Variants in SMYD3 observed in about 807,000 individuals in gnomAD.
SMYD3 encodes SET and MYND domain containing 3.
A neutral mutation model predicts 57.7 loss-of-function variants in SMYD3; 36 were observed. The ratio of observed to expected loss-of-function variants is 0.62; its 90% CI spans 0.48 to 0.82. The LOEUF (loss-of-function observed/expected upper bound fraction) is 0.82. SMYD3 is among the 40% of genes least tolerant of loss of function. The pLI is 0.00. For missense variants in SMYD3, 515 were observed against 538.8 expected, an observed-to-expected ratio of 0.96 and a Z score of 0.44; for synonymous variants, 211 against 195.0, an observed-to-expected ratio of 1.08 and a Z score of -0.68.
intron 5 of SMYD3, among the ~76,000 whole-genome samples, chr1:246,196,596 T>G (rs1359015627): frequency 6.6e-6 from 1 of 152,242 alleles, no homozygotes; most frequent in African/African-American, 2.4e-5. Flanking sequence ...TTGTTCTTTT[T>G]AAATTTTATT....
At chr1:245,998,250 T>C (rs1055377932) in intron 5 of SMYD3, among the ~76,000 whole-genome samples, 2 of 152,174 alleles carry the variant, frequency 1.3e-5, no homozygotes, top group South Asian at 2.1e-4. Flanking sequence ...GGGGAGGGAA[T>C]GGAGATCTTT....
chr1:245,981,479 C>G (rs1199419960), intron 5 of SMYD3, among the ~76,000 whole-genome samples: 1 of 152,228 alleles, frequency 6.6e-6, no homozygotes, highest in African/African-American at 2.4e-5. Flanking sequence ...TATGTATATA[C>G]ATTTACATTA....
At chr1:245,957,815 T>G (rs2057891487) in intron 5 of SMYD3, among the ~76,000 whole-genome samples, 1 of 152,198 alleles carries the variant, frequency 6.6e-6, no homozygotes, top group Admixed American at 6.5e-5. Flanking sequence ...AAGTCATAAC[T>G]TACCTTCCTC....
intron 5 of SMYD3, among the ~76,000 whole-genome samples, chr1:246,232,046 C>A (rs547941496): frequency 6.6e-6 from 1 of 152,264 alleles, no homozygotes; most frequent in Admixed American, 6.5e-5. Flanking sequence ...CACTTTGATC[C>A]TTTCCGAGTC....
intron 5 of SMYD3, among the ~76,000 whole-genome samples, chr1:246,150,797 C>T (rs2061928693): frequency 6.6e-6 from 1 of 152,182 alleles, no homozygotes; most frequent in African/African-American, 2.4e-5. Flanking sequence ...ACAGTGACAT[C>T]CCAATGGCTT....
At chr1:245,751,325 G>A (rs1267329163) in intron 11 of SMYD3, among the ~76,000 whole-genome samples, 1 of 152,162 alleles carries the variant, frequency 6.6e-6, no homozygotes, top group South Asian at 2.1e-4. Flanking sequence ...GTGGTGAGAC[G>A]CCTGCATTTT....
In SMYD3 at chr1:246,057,173, T is replaced by C. The variant is rs2060166488; in HGVS notation, c.532-127236A>G. Among the ~76,000 whole-genome samples, 3 of 152,184 alleles carry C rather than the reference T, an allele frequency of 2.0e-5. No homozygotes were observed. In the South Asian group the frequency reaches 6.2e-4, roughly 32 times the overall value. On this transcript the variant is annotated intron_variant, in intron 5 of 11. Coordinates refer to ENST00000490107, the MANE Select transcript of SMYD3 (RefSeq NM_001167740.2). Reference sequence around the variant, plus strand: ...TTGCATCTACCTCAAAGGGCTTTTGTGATGATTAAATAATGGATGTGAAGT... The same window carrying C: ...TTGCATCTACCTCAAAGGGCTTTTGCGATGATTAAATAATGGATGTGAAGT...
chr1:245,991,178 AAC>A (rs1311302989), intron 5 of SMYD3, among the ~76,000 whole-genome samples: 3 of 152,244 alleles, frequency 2.0e-5, no homozygotes, highest in Non-Finnish European at 4.4e-5. Flanking sequence ...TCATTAATTC[AAC>A]ACATAATTTA....
intron 5 of SMYD3, among the ~76,000 whole-genome samples, chr1:246,310,232 G>A (rs1003112534): frequency 6.6e-6 from 1 of 150,572 alleles, no homozygotes; most frequent in Non-Finnish European, 1.5e-5. Context: ...ATTCTTCATA[G>A]AGGACAAGAG....
At chr1:245,898,137 T>C (rs1223395137) in intron 8 of SMYD3, among the ~76,000 whole-genome samples, 3 of 152,212 alleles carry the variant, frequency 2.0e-5, no homozygotes, top group Non-Finnish European at 2.9e-5. Flanking sequence ...TGTTATATAT[T>C]GCTTCTAGGC....
chr1:245,785,523 C>T (rs2046999217), intron 10 of SMYD3, among the ~76,000 whole-genome samples: 1 of 152,118 alleles, frequency 6.6e-6, no homozygotes, highest in Non-Finnish European at 1.5e-5. Flanking sequence ...ACTCACTTGC[C>T]TACTCCCACC....
intron 5 of SMYD3, among the ~76,000 whole-genome samples, chr1:246,127,436 G>T (rs1376819386): frequency 3.3e-5 from 5 of 152,174 alleles, no homozygotes; most frequent in African/African-American, 9.7e-5. Flanking sequence ...GTAGACAAAA[G>T]ATAGTTGAGA....
chr1:245,958,669 T>C (rs1369218668), intron 5 of SMYD3, among the ~76,000 whole-genome samples: 2 of 152,234 alleles, frequency 1.3e-5, no homozygotes, highest in Non-Finnish European at 2.9e-5. Flanking sequence ...CTGTTTCTTT[T>C]ACTACTAGGG....
rs574406280 is a variant in SMYD3, at chr1:246,216,270, GAGT to G, written c.531+110928_531+110930del. 1.8e-3 allele frequency among the ~76,000 whole-genome samples: 246 copies of G among 139,634 alleles called. 5 individuals carry two copies. The highest frequency in any genetic ancestry group is 6.0e-3 in the African/African-American group (219 of 36,644). The allele number at this position is 139,634 out of a possible 152,430, so 91.6% of individuals were successfully genotyped here. A position where few individuals can be genotyped will look rare whatever the true frequency, so the allele number is the denominator to read the frequency against. On this transcript the variant is annotated intron_variant, in intron 5 of 11. Transcript: ENST00000490107. The stretch of plus-strand genomic sequence containing the variant: ...CCATGGCACTCCTGCCTGGGCAGTA[GAGT>G]AAGACTCCATTTCAAAAAAAAAAAA...
chr1:245,825,719 C>T (rs558938322), intron 10 of SMYD3, among the ~76,000 whole-genome samples: 2 of 152,248 alleles, frequency 1.3e-5, no homozygotes, highest in East Asian at 3.9e-4. Context: ...CAGAACTTCA[C>T]TGAGCATGCT....
chr1:246,425,641 T>C (rs2067206989), intron 1 of SMYD3, among the ~76,000 whole-genome samples: 1 of 152,196 alleles, frequency 6.6e-6, no homozygotes, highest in South Asian at 2.1e-4. Context: ...TTCACAAAAG[T>C]ACCCAATGGG....
At chr1:246,465,940 T>C (rs1457695810) in intron 1 of SMYD3, among the ~76,000 whole-genome samples, 1 of 152,122 alleles carries the variant, frequency 6.6e-6, no homozygotes, top group Non-Finnish European at 1.5e-5. Context: ...CCTGGCTAAT[T>C]TTTGTATTTT....
chr1:245,894,452 T>C (rs1451456835), intron 8 of SMYD3, among the ~76,000 whole-genome samples: 1 of 152,062 alleles, frequency 6.6e-6, no homozygotes, highest in South Asian at 2.1e-4. Flanking sequence ...CTTTTGTTTT[T>C]TCACTCTTCA....
At chr1:245,910,746 A>G (rs2054912621) in intron 8 of SMYD3, among the ~76,000 whole-genome samples, 1 of 152,108 alleles carries the variant, frequency 6.6e-6, no homozygotes, top group Non-Finnish European at 1.5e-5. Context: ...TACAAAAGTC[A>G]TATCAAAACA....
Sources: allele counts gnomAD v4.1 joint callset (sites outside exome capture counted in the v4.1 genomes callset), GRCh38; gene constraint gnomAD v4.1.1; transcripts MANE v1.5; gene names NCBI Gene and HGNC (gene_info 2026-07-23, HGNC 2026-07-21).